The following CELSR1 variants were observed in gnomAD, a reference collection of about 807,000 sequenced individuals.
CELSR1 encodes the protein adhesion G protein-coupled receptor C1.
In CELSR1, 110 loss-of-function variants were observed where a neutral mutation model predicts 249.1. The ratio of observed to expected loss-of-function variants is 0.44; its 90% CI spans 0.38 to 0.52. The LOEUF is 0.52. Ranked by LOEUF, CELSR1 falls within the 20% of genes least tolerant of loss-of-function variation. The pLI is 0.00. For missense variants in CELSR1, 4,109 were observed against 4,296.4 expected (o/e 0.96, Z 1.22); for synonymous variants, 2,113 against 1,900.0 (o/e 1.11, Z -2.92).
At position 46,394,028 on chromosome 22, in the gene CELSR1, C is replaced by T. The variant is rs2079122397; in HGVS notation, c.5964+114G>A. The T allele has an allele frequency of 8.8e-6, 12 of 1,370,330 alleles. No individual in the cohort carries two copies. In the South Asian group the frequency reaches 9.4e-5, roughly 11 times the overall value. 84.9% of individuals were successfully genotyped at this position (1,370,330 alleles called of 1,614,324 possible). On this transcript the variant is annotated intron_variant, in intron 14 of 34. Transcript: ENST00000674500. ...ATGTGAGTGGGCACAGGTGTGTGTG[C>T]AGGGGTGTGAGTGTGTACCGACAGG...
At position 46,434,841 on chromosome 22, in the gene CELSR1, A is replaced by G. The variant is rs2079639083; in HGVS notation, c.4522+1333T>C. 1.3e-5 allele frequency among the ~76,000 whole-genome samples: 2 copies of G among 152,152 alleles called. No individual in the cohort carries two copies. The highest frequency in any genetic ancestry group is 2.4e-5 in the African/African-American group (1 of 41,440). On this transcript the variant is annotated intron_variant, in intron 4 of 34. Coordinates refer to ENST00000674500, the MANE Select transcript of CELSR1 (RefSeq NM_001378328.1). The surrounding 1 kb of genome is among the most constrained non-coding windows in gnomAD (Gnocchi z 4.9). The stretch of plus-strand genomic sequence containing the variant: ...GTGAAACCCTGTCTCTACTAAAAAT[A>G]CAAAAATTAGCCGGGCATGGTGAAA...
At chr22:46,533,049 G>T (rs1330628272) in intron 1 of CELSR1, among the ~76,000 whole-genome samples, 1 of 152,148 alleles carries the variant, frequency 6.6e-6, no homozygotes, top group Non-Finnish European at 1.5e-5. Context: ...ATCAAATGAG[G>T]CTATGCTTTT....
intron 2 of CELSR1, among the ~76,000 whole-genome samples, chr22:46,455,354 C>G (rs2147538412): frequency 6.6e-6 from 1 of 152,310 alleles, no homozygotes; most frequent in Non-Finnish European, 1.5e-5. Context: ...CTCAGTCTCC[C>G]AAGTAGCTGG....
rs567928143 is a variant in CELSR1 at position 46,434,088 on chromosome 22, T to C, written c.4523-607A>G. On this transcript the variant is annotated intron_variant, in intron 4 of 34. Coordinates refer to ENST00000674500, the MANE Select transcript of CELSR1 (RefSeq NM_001378328.1). The surrounding 1 kb of genome is among the most constrained non-coding windows in gnomAD (Gnocchi z 4.9). ...ACCAGAGGTCGAACCCTTTTTCCTA[T>C]GCATTGCATCAACGTAGACAAAATC... Among the ~76,000 whole-genome samples, 1 of 152,384 alleles carries C rather than the reference T, an allele frequency of 6.6e-6. No individual in the cohort carries two copies. Among genetic ancestry groups the C allele is most frequent in the African/African-American group, 2.4e-5 (1 of 41,598 alleles).
chr22:46,436,491 C>A lies in CELSR1; in HGVS notation c.4407-202G>T, dbSNP rs1035985606. Among the ~76,000 whole-genome samples the A allele has an allele frequency of 6.6e-6, 1 of 152,142 alleles. No homozygotes were observed. Among genetic ancestry groups the A allele is most frequent in the African/African-American group, 2.4e-5 (1 of 41,424 alleles). ...GGGTTCTTTTCTGGAAGCAGCAAAC[C>A]AGAATCCATGGGGAGTCTGGTTACT... On this transcript the variant is annotated intron_variant, in intron 3 of 34. Coordinates refer to ENST00000674500, the MANE Select transcript of CELSR1 (RefSeq NM_001378328.1). The surrounding 1 kb of genome is among the most constrained non-coding windows in gnomAD (Gnocchi z 5.9).
At chr22:46,416,825 C>A (rs1429232254) in intron 5 of CELSR1, among the ~76,000 whole-genome samples, 1 of 152,156 alleles carries the variant, frequency 6.6e-6, no homozygotes, top group African/African-American at 2.4e-5. Flanking sequence ...CTACGCAGTG[C>A]TGGGAGTTTC....
In CELSR1 at chr22:46,399,509, G is replaced by A. The variant is rs770895948; in HGVS notation, c.5412+208C>T. On this transcript the variant is annotated intron_variant, in intron 10 of 34. Coordinates refer to ENST00000674500, the MANE Select transcript of CELSR1 (RefSeq NM_001378328.1). The surrounding 1 kb of genome is among the most constrained non-coding windows in gnomAD (Gnocchi z 5.0). ...TGGAGGAAGTCAGCTGCTGACTGCC[G>A]GGGGCGGGGCATCCGGATGAAGGAG... Among the ~76,000 whole-genome samples, 16 of 152,182 alleles carry A rather than the reference G, an allele frequency of 1.1e-4. No homozygotes were observed. The highest frequency in any genetic ancestry group is 5.8e-4 in the East Asian group (3 of 5,198).
chr22:46,485,387 CTGAGGCTAATGAGCTGGATGCCTATTT>C (rs1007794119), intron 1 of CELSR1, among the ~76,000 whole-genome samples: 2 of 152,080 alleles, frequency 1.3e-5, no homozygotes, highest in Non-Finnish European at 2.9e-5. Flanking sequence ...CTCCCTCTCC[CTGAGGCTAATGAGCTGGATGCCTATTT>C]TGAAACCAGT....
At chr22:46,370,058 G>A (rs769452053) in intron 25 of CELSR1, 18 of 574,190 alleles carry the variant, frequency 3.1e-5, no homozygotes, top group Non-Finnish European at 5.6e-5. Context: ...TATCTGGGCC[G>A]GGGGCTGCTG....
At chr22:46,513,599 G>A (rs58240302) in intron 1 of CELSR1, among the ~76,000 whole-genome samples, 8,114 of 152,062 alleles carry the variant, frequency 0.053, 567 homozygotes, top group African/African-American at 0.16. Context: ...GTTATAATTG[G>A]CCCTTATCTC....
chr22:46,442,576 C>T (rs1014105012), intron 2 of CELSR1, among the ~76,000 whole-genome samples: 34 of 152,230 alleles, frequency 2.2e-4, no homozygotes, highest in African/African-American at 8.2e-4. Flanking sequence ...TCAGGGAGGC[C>T]AACCTCAGCC....
At chr22:46,376,152 A>G (rs974509952) in intron 24 of CELSR1, among the ~76,000 whole-genome samples, 1 of 152,222 alleles carries the variant, frequency 6.6e-6, no homozygotes, top group African/African-American at 2.4e-5. Context: ...TTTCTTTCTA[A>G]TCATTAATGA....
At chr22:46,438,406 C>A (rs899770612) in intron 3 of CELSR1, among the ~76,000 whole-genome samples, 1 of 152,320 alleles carries the variant, frequency 6.6e-6, no homozygotes, top group Non-Finnish European at 1.5e-5. Flanking sequence ...CAAGAGGGCC[C>A]TGCCCACAGC....
rs542336597 is a variant in CELSR1 at position 46,428,899 on chromosome 22, C to T, written c.4611+4494G>A. On this transcript the variant is annotated intron_variant, in intron 5 of 34. Coordinates refer to ENST00000674500, the MANE Select transcript of CELSR1 (RefSeq NM_001378328.1). This position sits in a 1 kb window ranked among gnomAD's most constrained non-coding sequence, Gnocchi z 5.7. ...CCCAGCTGGCCAGGAGACTGTGCTC[C>T]AGGCTCTGGGCAGGCTCAGCTGGCT... Among the ~76,000 whole-genome samples the T allele has an allele frequency of 1.2e-4, 18 of 152,296 alleles. No homozygotes were observed. The East Asian group carries it at 3.1e-3, about 26-fold the overall frequency.
intron 5 of CELSR1, among the ~76,000 whole-genome samples, chr22:46,432,214 G>A (rs2079603747): frequency 6.6e-6 from 1 of 152,222 alleles, no homozygotes; most frequent in Non-Finnish European, 1.5e-5. Context: ...CCAGGGAGGT[G>A]GAGGGACGCC....
chr22:46,384,003 C>T (rs553494103), intron 20 of CELSR1, among the ~76,000 whole-genome samples: 1 of 152,038 alleles, frequency 6.6e-6, no homozygotes, highest in South Asian at 2.1e-4. Context: ...TGGCATATCT[C>T]GGCTCACTAC....
At chr22:46,426,874 C>G (rs1348037514) in intron 5 of CELSR1, among the ~76,000 whole-genome samples, 1 of 152,216 alleles carries the variant, frequency 6.6e-6, no homozygotes, top group Non-Finnish European at 1.5e-5. Context: ...TGCAGGTGCT[C>G]AGGCTTCCAG....
chr22:46,516,998 C>T (rs1183645298), intron 1 of CELSR1, among the ~76,000 whole-genome samples: 1 of 152,210 alleles, frequency 6.6e-6, no homozygotes, highest in African/African-American at 2.4e-5. Flanking sequence ...GCAAAGGAAC[C>T]TTTATCACCC....
rs1307863516 is a variant in CELSR1, at chr22:46,433,619, G to T, written c.4523-138C>A. On this transcript the variant is annotated intron_variant, in intron 4 of 34. Transcript: ENST00000674500. This position sits in a 1 kb window ranked among gnomAD's most constrained non-coding sequence, Gnocchi z 5.7. ...TCCCTCCCCTCCCCACGGCACCATG[G>T]TGGGAGGCGCCCACCACTCCATCCA... 1.6e-6 allele frequency: 1 copy of T among 623,138 alleles called. No homozygotes were observed. The highest frequency in any genetic ancestry group is 2.9e-6 in the Non-Finnish European group (1 of 346,736). The allele number at this position is 623,138 out of a possible 1,614,324, so 38.6% of individuals were successfully genotyped here.
Sources: gnomAD v4.1 joint callset for allele counts (sites outside exome capture counted in the v4.1 genomes callset) on GRCh38, gnomAD v4.1.1 for gene constraint, Gnocchi (gnomAD v3.1) non-coding constraint, MANE v1.5 for transcripts, NCBI Gene and HGNC (gene_info 2026-07-23, HGNC 2026-07-21) for gene names.